PPTC7: variants seen among roughly 807,000 people sequenced by gnomAD.
PPTC7 encodes the protein protein phosphatase targeting COQ7, also known as protein phosphatase PTC7 homolog.
In PPTC7, 6 loss-of-function variants were observed where a neutral mutation model predicts 30.8. That is an observed-to-expected ratio of 0.19 (90% CI 0.11 to 0.38). PPTC7 has a LOEUF of 0.38. Among genes scored for constraint, PPTC7 ranks in the 10% least tolerant of loss-of-function variants. The pLI, the probability that PPTC7 is intolerant of heterozygous loss-of-function variation, is 1.00. For synonymous variants in PPTC7, 163 were observed against 168.1 expected, an observed-to-expected ratio of 0.97 and a Z score of 0.23; for missense variants, 218 against 404.8, an observed-to-expected ratio of 0.54 and a Z score of 3.96.
At chr12:110,553,217 G>A (rs1039510841) in intron 1 of PPTC7, among the ~76,000 whole-genome samples, 3 of 145,490 alleles carry the variant, frequency 2.1e-5, no homozygotes, top group Non-Finnish European at 3.0e-5. Context: ...GCGTGATCTC[G>A]GCTCACCGCA....
At position 110,582,800 on chromosome 12, in the gene PPTC7, G is replaced by C; in HGVS notation, c.223+9C>G. The C allele has an allele frequency of 6.4e-7, 1 of 1,551,780 alleles. No individual in the cohort carries two copies. Among genetic ancestry groups the C allele is most frequent in the Non-Finnish European group, 8.7e-7 (1 of 1,148,458 alleles). ...AGGCTGGGGCAAGGGAACCGGGTCG[G>C]GGACTCACCGAGCACGTCCGCGGAA... On this transcript the variant is annotated intron_variant, in intron 1 of 5. Coordinates refer to ENST00000354300, the MANE Select transcript of PPTC7 (RefSeq NM_139283.2).
intron 1 of PPTC7, among the ~76,000 whole-genome samples, chr12:110,561,036 C>G (rs2064434129): frequency 6.6e-6 from 1 of 152,200 alleles, no homozygotes; most frequent in Non-Finnish European, 1.5e-5. Flanking sequence ...AGGAGACCCT[C>G]TGCACTCTAA....
At chr12:110,542,103 TG>T (rs2064265671) in intron 3 of PPTC7, among the ~76,000 whole-genome samples, 1 of 151,272 alleles carries the variant, frequency 6.6e-6, no homozygotes, top group African/African-American at 2.4e-5. Context: ...TGAGCTGAGA[TG>T]GCGCCACTGC....
In PPTC7 at chr12:110,537,200, G is replaced by GTT. The variant is rs2064224988; in HGVS notation, c.857-107_857-106dup. The GTT allele has an allele frequency of 3.4e-6, 3 of 888,324 alleles. No homozygotes were observed. In the Admixed American group the frequency reaches 5.8e-5, roughly 17 times the overall value. 55.0% of individuals were successfully genotyped at this position (888,324 alleles called of 1,614,324 possible). ...GAGACAAATGCTTGCATTCCAGGCA[G>GTT]TTTTGGTTTGTCAGTATACCCTAGT... On this transcript the variant is annotated intron_variant, in intron 5 of 5. Transcript: ENST00000354300.
intron 2 of PPTC7, chr12:110,546,414 C>G (rs2064306523): frequency 4.2e-6 from 1 of 237,338 alleles, no homozygotes; most frequent in Admixed American, 5.1e-5. Context: ...GCCAAATGCT[C>G]AAAAACATGT....
intron 1 of PPTC7, among the ~76,000 whole-genome samples, chr12:110,567,251 G>T (rs2064492418): frequency 6.6e-6 from 1 of 152,152 alleles, no homozygotes; most frequent in Non-Finnish European, 1.5e-5. Flanking sequence ...GATTACCTAT[G>T]GAACCCCAGC....
At chr12:110,551,667 T>C (rs2064350493) in intron 2 of PPTC7, 122 bp downstream of exon 2, 1 of 917,916 alleles carries the variant, frequency 1.1e-6, no homozygotes, top group Non-Finnish European at 1.7e-6. Context: ...AGTTTCTCTA[T>C]CACACTCTGC....
At chr12:110,544,385 G>T (rs181823305) in intron 3 of PPTC7, among the ~76,000 whole-genome samples, 9 of 152,298 alleles carry the variant, frequency 5.9e-5, no homozygotes, top group Admixed American at 1.3e-4. Flanking sequence ...TTTTACAAAA[G>T]GTTCATTGTC....
In PPTC7 at chr12:110,536,631, T is replaced by C. The variant is rs1019332083; in HGVS notation, c.*406A>G. On this transcript the variant is annotated 3_prime_UTR_variant, in exon 6 of 6. Transcript: ENST00000354300. ...GAATAATGTATGTTTCTAGTAGATG[T>C]ATCATTACGTACAATTTGTGTTAGA... is the stretch of plus-strand genomic sequence containing the variant. 1.8e-5 allele frequency: 3 copies of C among 165,844 alleles called. No individual in the cohort carries two copies. The highest frequency in any genetic ancestry group is 7.1e-5 in the African/African-American group (3 of 42,020). The allele number at this position is 165,844 out of a possible 1,614,324, so 10.3% of individuals were successfully genotyped here. A position where few individuals can be genotyped will look rare whatever the true frequency, so the allele number is the denominator to read the frequency against.
intron 1 of PPTC7, among the ~76,000 whole-genome samples, chr12:110,559,963 A>C (rs2064424899): frequency 1.3e-5 from 2 of 152,232 alleles, no homozygotes; most frequent in South Asian, 4.2e-4. Flanking sequence ...CCTAGGCTGA[A>C]GTGATCCTCC....
intron 1 of PPTC7, among the ~76,000 whole-genome samples, chr12:110,553,866 C>A (rs1013226940): frequency 6.6e-6 from 1 of 152,104 alleles, no homozygotes; most frequent in Admixed American, 6.6e-5. Context: ...CTTTATTTAC[C>A]TATTTTTTTT....
chr12:110,553,972 C>T (rs1255544463), intron 1 of PPTC7, among the ~76,000 whole-genome samples: 1 of 152,092 alleles, frequency 6.6e-6, no homozygotes, highest in East Asian at 1.9e-4. Flanking sequence ...AGTGATTCTC[C>T]TGCTTCAGCC....
intron 2 of PPTC7, chr12:110,546,799 T>G (rs1208317017): frequency 1.3e-5 from 2 of 152,132 alleles, no homozygotes; most frequent in Non-Finnish European, 1.5e-5. Flanking sequence ...TAAACCTACC[T>G]ACCGCCACCA....
intron 1 of PPTC7, among the ~76,000 whole-genome samples, chr12:110,562,786 C>CTT (rs1282876814): frequency 6.8e-6 from 1 of 147,552 alleles, no homozygotes; most frequent in African/African-American, 2.5e-5. Context: ...AAGCGAGACT[C>CTT]TGTCTCAAAA....
Position 110,563,810 on chromosome 12 carries a change from T to C in PPTC7, c.224-11842A>G, listed in dbSNP as rs149262356. On this transcript the variant is annotated intron_variant, in intron 1 of 5. Coordinates refer to ENST00000354300, the MANE Select transcript of PPTC7 (RefSeq NM_139283.2). Reference sequence around the variant, plus strand: ...GCCTCCACATACACTTACACCTATGTCTAGAATACTTCATTAACTAGAGAA... The same window carrying C: ...GCCTCCACATACACTTACACCTATGCCTAGAATACTTCATTAACTAGAGAA... 2.7e-3 allele frequency among the ~76,000 whole-genome samples: 410 copies of C among 152,338 alleles called. 2 individuals carry two copies. Among genetic ancestry groups the C allele is most frequent in the African/African-American group, 8.9e-3 (371 of 41,582 alleles).
At chr12:110,540,501 A>G (rs1008235681) in intron 3 of PPTC7, among the ~76,000 whole-genome samples, 1 of 151,654 alleles carries the variant, frequency 6.6e-6, no homozygotes, top group African/African-American at 2.4e-5. Flanking sequence ...ACAGTCATGC[A>G]CCACCACGCC....
rs142576986 is a variant in PPTC7, at chr12:110,535,835, T to C, written c.*1202A>G. On this transcript the variant is annotated 3_prime_UTR_variant, in exon 6 of 6. Coordinates refer to ENST00000354300, the MANE Select transcript of PPTC7 (RefSeq NM_139283.2). The stretch of plus-strand genomic sequence containing the variant: ...TGTGAAAACTGAATGCGGGGTAGTT[T>C]TGTAAGGAAACTATACACTGCAAAA... 2 of 152,782 alleles carry C rather than the reference T, an allele frequency of 1.3e-5. No individual in the cohort carries two copies. The highest frequency in any genetic ancestry group is 4.8e-5 in the African/African-American group (2 of 41,572). 9.5% of individuals were successfully genotyped at this position (152,782 alleles called of 1,614,324 possible).
intron 1 of PPTC7, among the ~76,000 whole-genome samples, chr12:110,558,619 GTGTTTTTGTT>G (rs1166933605): frequency 1.3e-5 from 2 of 152,210 alleles, no homozygotes; most frequent in South Asian, 2.1e-4. Flanking sequence ...AAATCCTTTA[GTGTTTTTGTT>G]TGTTTTTGTT....
At chr12:110,552,050 T>G (rs754343184) in intron 1 of PPTC7, 82 bp from the exon 2 acceptor site, 32 of 1,109,720 alleles carry the variant, frequency 2.9e-5, no homozygotes, top group Non-Finnish European at 4.1e-5. Context: ...CTCCTAACAG[T>G]TAATTTCACT....
Sources: gnomAD v4.1 joint callset for allele counts (sites outside exome capture counted in the v4.1 genomes callset) on GRCh38, gnomAD v4.1.1 for gene constraint, MANE v1.5 for transcripts, NCBI Gene and HGNC (gene_info 2026-07-23, HGNC 2026-07-21) for gene names.